HMCN1: variants seen among roughly 807,000 people sequenced by gnomAD.
HMCN1 encodes the protein hemicentin 1.
A neutral mutation model predicts 625.9 loss-of-function variants in HMCN1; 321 were observed. That is an observed-to-expected ratio of 0.51 (90% CI 0.47 to 0.56). The LOEUF is 0.56. Ranked by LOEUF, HMCN1 falls within the 20% of genes least tolerant of loss-of-function variation. The pLI is 0.00. For missense variants in HMCN1, 6,588 were observed against 6,887.3 expected (o/e 0.96, Z 1.54); for synonymous variants, 2,425 against 2,417.6 (o/e 1.00, Z -0.09).
chr1:185,927,821 T>A (rs1280432571), intron 9 of HMCN1, among the ~76,000 whole-genome samples: 1 of 152,160 alleles, frequency 6.6e-6, no homozygotes, highest in African/African-American at 2.4e-5. Flanking sequence ...TAAAACAGGA[T>A]AATGCCTATT....
At position 186,055,497 on chromosome 1, in the gene HMCN1, A is replaced by G. The variant is rs1571788821; in HGVS notation, c.6967A>G (p.Thr2323Ala). ...ECEVQGIPPP[T>A]VTWMKDGHPL... is the part of the protein sequence containing the mutation. Reference sequence around the variant, plus strand: ...TGAGGTGCAGGGTATTCCACCACCAACAGTGACCTGGATGAAAGATGGCCA... The same window carrying G: ...TGAGGTGCAGGGTATTCCACCACCAGCAGTGACCTGGATGAAAGATGGCCA... The change falls in exon 45 of 107, where the codon ACA (threonine) becomes GCA (alanine). Residue 2323 changes from threonine to alanine, a missense_variant. Thr to Ala is a moderately conservative substitution (Grantham distance 58). Around this residue, in one of 3 missense-constraint regions of HMCN1, gnomAD observed 4,628 missense variants for 4,853.1 expected, o/e 0.95. Transcript: ENST00000271588. 1 of 1,612,978 alleles carries G rather than the reference A, an allele frequency of 6.2e-7. No individual in the cohort carries two copies. The highest frequency in any genetic ancestry group is 8.5e-7 in the Non-Finnish European group (1 of 1,179,334).
At position 186,178,702 on chromosome 1, in the gene HMCN1, G is replaced by A. The variant is rs1652752779; in HGVS notation, c.16230G>A (p.Arg5410=). 2 of 1,613,994 alleles carry A rather than the reference G, an allele frequency of 1.2e-6. No homozygotes were observed. The highest frequency in any genetic ancestry group is 1.3e-5 in the African/African-American group (1 of 74,934). Residue 5410 remains arginine, a synonymous_variant, in exon 104 of 107, where the codon AGG becomes AGA. Transcript: ENST00000271588. Reference sequence around the variant, plus strand: ...GAAACAGCAGAACATCTCTCTCCAGGACTAGAAGGACTATTAGGAAAACTT... The same window carrying A: ...GAAACAGCAGAACATCTCTCTCCAGAACTAGAAGGACTATTAGGAAAACTT... ...EYRNSRTSLS[R]TRRTIRKTCP... is the part of the protein sequence containing the mutation.
intron 1 of HMCN1, among the ~76,000 whole-genome samples, chr1:185,781,357 G>T (rs1657087503): frequency 6.6e-6 from 1 of 151,956 alleles, no homozygotes; most frequent in South Asian, 2.1e-4. Flanking sequence ...CTTCAGTTCT[G>T]CTCTAATCTT....
chr1:185,954,743 A>T (rs1459244670), intron 11 of HMCN1, among the ~76,000 whole-genome samples: 1 of 152,048 alleles, frequency 6.6e-6, no homozygotes, highest in Non-Finnish European at 1.5e-5. Context: ...GGCACTTAGG[A>T]TCTCTTTTCA....
intron 1 of HMCN1, among the ~76,000 whole-genome samples, chr1:185,743,625 A>G (rs1232505585): frequency 6.6e-6 from 1 of 152,262 alleles, no homozygotes; most frequent in African/African-American, 2.4e-5. Flanking sequence ...AAGTGTTCTC[A>G]CAAATCTACA....
rs1283158821 is a variant in HMCN1, at chr1:186,016,965, C to T, written c.5194C>T (p.Pro1732Ser). 4 of 1,568,350 alleles carry T rather than the reference C, an allele frequency of 2.6e-6. No individual in the cohort carries two copies. Among genetic ancestry groups the T allele is most frequent in the Non-Finnish European group, 3.5e-6 (4 of 1,138,798 alleles). Residue 1732 changes from proline to serine, a missense_variant and splice_region_variant, in exon 33 of 107, where the codon CCA (proline) becomes TCA (serine). This residue lies in a region of HMCN1 where 4,628 missense variants were observed against 4,853.1 expected (regional missense o/e 0.95). Coordinates refer to ENST00000271588, the MANE Select transcript of HMCN1 (RefSeq NM_031935.3). Reference sequence around the variant, plus strand: ...GTTACATTCCTGTTGTTTTCTAGTGCCACCAGCTATAGAAGGAGGAGATGA... The same window carrying T: ...GTTACATTCCTGTTGTTTTCTAGTGTCACCAGCTATAGAAGGAGGAGATGA... Reference protein sequence around the residue: ...EIKYEVDVLVPPAIEGGDETS... With the variant: ...EIKYEVDVLVSPAIEGGDETS...
At chr1:186,008,252 C>T (rs1296896938) in intron 30 of HMCN1, among the ~76,000 whole-genome samples, 2 of 152,070 alleles carry the variant, frequency 1.3e-5, no homozygotes, top group Non-Finnish European at 2.9e-5. Context: ...TCTAGTGTTA[C>T]ACTGTCTAAT....
At chr1:186,016,764 A>G (rs1654395352) in intron 32 of HMCN1, among the ~76,000 whole-genome samples, 199 bp from the exon 33 acceptor site, 1 of 152,072 alleles carries the variant, frequency 6.6e-6, no homozygotes, top group South Asian at 2.1e-4. Context: ...AATAGGTATG[A>G]TATGTTAAAA....
chr1:185,827,150 C>T (rs369731919), intron 1 of HMCN1, among the ~76,000 whole-genome samples: 11 of 129,552 alleles, frequency 8.5e-5, no homozygotes, highest in South Asian at 2.4e-4. Flanking sequence ...CCAGCCTGGG[C>T]GACAGAGCAA....
rs747834161 is a variant in HMCN1, at chr1:186,090,833, G to A, written c.9803G>A (p.Cys3268Tyr). Residue 3268 changes from cysteine (C) to tyrosine (Y), a missense_variant, in exon 64 of 107, where the codon TGC (cysteine) becomes TAC (tyrosine). Physicochemically the swap from Cys to Tyr is radical, Grantham distance 194. Transcript: ENST00000271588. ...VLLGENVELV[C>Y]NANGIPTPLI... The stretch of plus-strand genomic sequence containing the variant: ...CTAGGAGAAAATGTTGAGCTGGTCT[G>A]CAATGCAAATGGCATTCCTACTCCA... 1 of 1,612,622 alleles carries A rather than the reference G, an allele frequency of 6.2e-7. No homozygotes were observed. The highest frequency in any genetic ancestry group is 8.5e-7 in the Non-Finnish European group (1 of 1,179,044).
intron 10 of HMCN1, 87 bp from the exon 11 acceptor site, chr1:185,933,462 A>T (rs1667653206): frequency 2.3e-6 from 3 of 1,282,640 alleles, no homozygotes; most frequent in Non-Finnish European, 1.1e-6. Flanking sequence ...GATGTTCAGT[A>T]CATACTTATT....
intron 66 of HMCN1, 73 bp downstream of exon 66, chr1:186,093,742 C>T: frequency 1.3e-6 from 2 of 1,589,928 alleles, no homozygotes; most frequent in African/African-American, 1.3e-5. Context: ...TTCATTTAAA[C>T]AGTGTTGAAG....
Position 185,762,512 on chromosome 1 carries a change from C to T in HMCN1, c.268+27465C>T, listed in dbSNP as rs541676004. ...CTTTGGCTCTGATAGTCATGGTTCC[C>T]AATAAATAAGAAAAGTGGGGAAGCC... On this transcript the variant is annotated intron_variant, in intron 1 of 106. Transcript: ENST00000271588. Among the ~76,000 whole-genome samples the T allele has an allele frequency of 6.6e-5, 10 of 152,122 alleles. No homozygotes were observed. In the East Asian group the frequency reaches 1.7e-3, roughly 26 times the overall value.
chr1:185,741,314 G>A (rs1432308338), intron 1 of HMCN1, among the ~76,000 whole-genome samples: 1 of 152,214 alleles, frequency 6.6e-6, no homozygotes, highest in Non-Finnish European at 1.5e-5. Flanking sequence ...CACTGAGATG[G>A]AGAAGAATGA....
chr1:186,162,296 G>A (rs1409548155), intron 97 of HMCN1, among the ~76,000 whole-genome samples: 2 of 151,826 alleles, frequency 1.3e-5, no homozygotes, highest in Non-Finnish European at 2.9e-5. Context: ...TCTCTGTATT[G>A]GTTATTCTAG....
intron 1 of HMCN1, among the ~76,000 whole-genome samples, chr1:185,829,352 C>A (rs374197204): frequency 6.6e-6 from 1 of 151,664 alleles, no homozygotes. Context: ...GGTATACATG[C>A]GCCATGGTGG....
At position 186,007,171 on chromosome 1, in the gene HMCN1, G is replaced by A; in HGVS notation, c.4519G>A (p.Gly1507Arg). 1 of 1,613,166 alleles carries A rather than the reference G, an allele frequency of 6.2e-7. No homozygotes were observed. The highest frequency in any genetic ancestry group is 8.5e-7 in the Non-Finnish European group (1 of 1,179,250). Residue 1507 changes from glycine (G) to arginine (R), a missense_variant, in exon 30 of 107, where the codon GGA becomes AGA. Gly to Arg is a moderately radical substitution (Grantham distance 125). This residue lies in a region of HMCN1 where 4,628 missense variants were observed against 4,853.1 expected (regional missense o/e 0.95). Transcript: ENST00000271588. ...GDPNVELLDR[G>R]QVLHLKNARR... ...TCCTAATGTTGAACTTCTAGACAGA[G>A]GACAAGTCTTACATTTAAAGAATGC... is the stretch of plus-strand genomic sequence containing the variant.
At chr1:185,996,495 T>G (rs1235681116) in intron 24 of HMCN1, among the ~76,000 whole-genome samples, 1 of 152,106 alleles carries the variant, frequency 6.6e-6, no homozygotes, top group African/African-American at 2.4e-5. Flanking sequence ...TAGACTTTAT[T>G]CTAAATGCAA....
In HMCN1 at chr1:186,142,320, T is replaced by C. The variant is rs535985235; in HGVS notation, c.13925-1853T>C. Among the ~76,000 whole-genome samples the C allele has an allele frequency of 9.8e-5, 15 of 152,316 alleles. 1 individual carries two copies. In the East Asian group the frequency reaches 2.9e-3, roughly 29 times the overall value. On this transcript the variant is annotated intron_variant, in intron 89 of 106. Coordinates refer to ENST00000271588, the MANE Select transcript of HMCN1 (RefSeq NM_031935.3). ...TACTGGCCTCTAGTTCCATCCCTGT[T>C]CCTGCAAAGGATGGGACCTCATTCT... is the stretch of plus-strand genomic sequence containing the variant.
Sources: gnomAD v4.1 joint callset for allele counts (sites outside exome capture counted in the v4.1 genomes callset) on GRCh38, gnomAD v4.1.1 for gene constraint, gnomAD v4.1.1 regional missense constraint, MANE v1.5 for transcripts, NCBI Gene and HGNC (gene_info 2026-07-23, HGNC 2026-07-21) for gene names.